WDR35: variants seen among roughly 807,000 people sequenced by gnomAD.
WDR35 encodes WD repeat-containing protein 35.
A neutral mutation model predicts 158.3 loss-of-function variants in WDR35; 118 were observed. That is an observed-to-expected ratio of 0.75 (90% CI 0.64 to 0.87). The LOEUF (loss-of-function observed/expected upper bound fraction) is 0.87, where lower values mean the gene tolerates loss of function less well. Among genes scored for constraint, WDR35 ranks in the 40% least tolerant of loss-of-function variants. The probability of loss-of-function intolerance (pLI) is 0.00; values close to 1 mark genes in which losing one functional copy is unlikely to be tolerated. For missense variants in WDR35, 1,263 were observed against 1,405.8 expected (o/e 0.90, Z 1.62); for synonymous variants, 448 against 476.1 (o/e 0.94, Z 0.77).
At chr2:19,956,984 T>C (rs924727195) in intron 11 of WDR35, among the ~76,000 whole-genome samples, 2 of 152,216 alleles carry the variant, frequency 1.3e-5, no homozygotes, top group Non-Finnish European at 2.9e-5. Flanking sequence ...GTTCTAAATA[T>C]ATAACACATA....
chr2:19,960,598 C>A lies in WDR35; in HGVS notation c.1211G>T (p.Cys404Phe). ...ATCCAAGGGTGTACCAATAGAATTA[C>A]AAAGAACTAGTACAAACTGTGAACA... is the stretch of plus-strand genomic sequence containing the variant. ...ENHPQFVLVLCNSIGTPLDPK... is the reference protein window; with the variant it reads ...ENHPQFVLVLFNSIGTPLDPK... The change falls in exon 11 of 27, where the codon TGT becomes TTT. Residue 404 changes from cysteine to phenylalanine, a missense_variant. By Grantham distance (205) the Cys-to-Phe change is radical. Transcript: ENST00000281405. 6.2e-7 allele frequency: 1 copy of A among 1,608,562 alleles called. No individual in the cohort carries two copies. Among genetic ancestry groups the A allele is most frequent in the South Asian group, 1.1e-5 (1 of 90,824 alleles).
intron 15 of WDR35, 57 bp downstream of exon 15, chr2:19,946,404 A>G: frequency 7.2e-7 from 1 of 1,392,200 alleles, no homozygotes; most frequent in South Asian, 1.2e-5. Context: ...AAATCTAACA[A>G]TCCCAACTGA....
Position 19,946,552 on chromosome 2 carries a change from T to A in WDR35, c.1543A>T (p.Ile515Phe), listed in dbSNP as rs1210896296. The A allele has an allele frequency of 6.2e-7, 1 of 1,613,486 alleles. No homozygotes were observed. The highest frequency in any genetic ancestry group is 1.3e-5 in the African/African-American group (1 of 74,914). The part of the protein sequence containing the change: ...ILIVGRESGT[I>F]QRYSLPNVGL... ...ACATTAGGTAGACTGTATCTCTGAA[T>A]GGTGCCAGATTCACGACCCTATGGA... is the stretch of plus-strand genomic sequence containing the variant. The change falls in exon 15 of 27, where the codon ATT (isoleucine) becomes TTT (phenylalanine). Residue 515 changes from isoleucine to phenylalanine, a missense_variant. Physicochemically the swap from Ile to Phe is conservative, Grantham distance 21. Coordinates refer to ENST00000281405, the MANE Select transcript of WDR35 (RefSeq NM_020779.4).
intron 10 of WDR35, among the ~76,000 whole-genome samples, chr2:19,964,541 G>C (rs542374719): frequency 6.6e-6 from 1 of 151,568 alleles, no homozygotes; most frequent in East Asian, 2.0e-4. Context: ...ACGCTGCCAC[G>C]CCCGGCTAAT....
chr2:19,943,482 A>T (rs568419526), intron 16 of WDR35, among the ~76,000 whole-genome samples: 28 of 152,232 alleles, frequency 1.8e-4, no homozygotes, highest in Non-Finnish European at 3.4e-4. Context: ...AGTATAATTT[A>T]TTTTTCTCAT....
intron 9 of WDR35, 47 bp from the exon 10 acceptor site, chr2:19,966,956 G>T: frequency 1.9e-6 from 3 of 1,577,194 alleles, no homozygotes; most frequent in Middle Eastern, 1.7e-4. Flanking sequence ...AAAGGGAGAA[G>T]AATTATTTAG....
At chr2:19,988,161 G>A (rs1672630657) in intron 2 of WDR35, among the ~76,000 whole-genome samples, 2 of 152,140 alleles carry the variant, frequency 1.3e-5, no homozygotes, top group Admixed American at 1.3e-4. Flanking sequence ...GCAGTTAACA[G>A]CTCAGAGCCT....
At chr2:19,957,665 G>A (rs1440179504) in intron 11 of WDR35, among the ~76,000 whole-genome samples, 1 of 151,614 alleles carries the variant, frequency 6.6e-6, no homozygotes, top group Non-Finnish European at 1.5e-5. Flanking sequence ...CGATTCTCCT[G>A]CCACAGCCTC....
chr2:19,950,478 T>G (rs1403951514), intron 13 of WDR35, among the ~76,000 whole-genome samples: 2 of 152,050 alleles, frequency 1.3e-5, no homozygotes, highest in Non-Finnish European at 2.9e-5. Flanking sequence ...TGGAAGAAAA[T>G]ACGTGGTTGA....
intron 11 of WDR35, among the ~76,000 whole-genome samples, chr2:19,956,866 G>A (rs771555126): frequency 1.3e-5 from 2 of 152,062 alleles, no homozygotes; most frequent in African/African-American, 2.4e-5. Context: ...TGATCCGCCC[G>A]TCTTGGCCTC....
chr2:19,941,873 T>C lies in WDR35; in HGVS notation c.1846-34A>G, dbSNP rs182899842. 39 of 1,444,130 alleles carry C rather than the reference T, an allele frequency of 2.7e-5. No homozygotes were observed. The African/African-American group carries it at 2.8e-4, about 10-fold the overall frequency. The allele number at this position is 1,444,130 out of a possible 1,614,324, so 89.5% of individuals were successfully genotyped here. A position where few individuals can be genotyped will look rare whatever the true frequency, so the allele number is the denominator to read the frequency against. On this transcript the variant is annotated intron_variant, in intron 16 of 26. Transcript: ENST00000281405. ...ACAAAAAAAAAGTTATGTTTCATTA[T>C]GCAAAATTTCCTCTCTTTTAACAAA...
rs948113160 is a variant in WDR35 at position 19,938,693 on chromosome 2, G to T, written c.1927-292C>A. Among the ~76,000 whole-genome samples, 4 of 152,272 alleles carry T rather than the reference G, an allele frequency of 2.6e-5. No homozygotes were observed. In the South Asian group the frequency reaches 8.3e-4, roughly 32 times the overall value. On this transcript the variant is annotated intron_variant, in intron 17 of 26. Transcript: ENST00000281405. ...ATGCATCCCTGTTTCCCTCTGCTCA[G>T]ATTGGTTTTTCACCTTAAATGAGAT... is the stretch of plus-strand genomic sequence containing the variant.
At chr2:19,924,824 G>T (rs1475729455) in intron 25 of WDR35, among the ~76,000 whole-genome samples, 1 of 152,092 alleles carries the variant, frequency 6.6e-6, no homozygotes, top group African/African-American at 2.4e-5. Flanking sequence ...TGGGAAGCAT[G>T]GTCATACTAA....
intron 22 of WDR35, 93 bp downstream of exon 22, chr2:19,933,308 T>A: frequency 9.9e-7 from 1 of 1,014,638 alleles, no homozygotes; most frequent in South Asian, 1.3e-5. Flanking sequence ...TTGGCAATAA[T>A]CTTTAAAAGA....
chr2:19,980,787 G>C lies in WDR35; in HGVS notation c.215-4C>G, dbSNP rs369080910. ...CATGTTACAACTTGAACAGAACCTA[G>C]AACATTATAAAACAATTTAGAAACT... On this transcript the variant is annotated splice_polypyrimidine_tract_variant and splice_region_variant and intron_variant, in intron 3 of 26. Coordinates refer to ENST00000281405, the MANE Select transcript of WDR35 (RefSeq NM_020779.4). 78 of 1,612,302 alleles carry C rather than the reference G, an allele frequency of 4.8e-5. No homozygotes were observed. Among genetic ancestry groups the C allele is most frequent in the Middle Eastern group, 1.6e-4 (1 of 6,074 alleles).
intron 11 of WDR35, among the ~76,000 whole-genome samples, chr2:19,954,623 C>T (rs1350597852): frequency 6.6e-6 from 1 of 152,144 alleles, no homozygotes. Flanking sequence ...CAATGAGATA[C>T]CACCTCACAC....
At chr2:19,915,381 G>T (rs1486988536) in intron 25 of WDR35, among the ~76,000 whole-genome samples, 1 of 150,892 alleles carries the variant, frequency 6.6e-6, no homozygotes, top group Non-Finnish European at 1.5e-5. Context: ...AGCATGATAG[G>T]TTCAAGGGTA....
intron 8 of WDR35, among the ~76,000 whole-genome samples, chr2:19,971,027 AT>A (rs1418616074): frequency 6.6e-6 from 1 of 150,906 alleles, no homozygotes; most frequent in African/African-American, 2.4e-5. Context: ...ATACATTCAA[AT>A]TTTTTTAATT....
Position 19,937,901 on chromosome 2 carries a change from A to G in WDR35, c.2109T>C (p.Thr703=). The G allele has an allele frequency of 1.2e-6, 2 of 1,614,164 alleles. No homozygotes were observed. The highest frequency in any genetic ancestry group is 1.7e-6 in the Non-Finnish European group (2 of 1,180,022). ...TGCAGCGCACAAATGCTTGCTCTGC[A>G]GTGTATAGATCCAGTTTCTGAAGAG... The part of the protein sequence containing the change: ...EAALQKLDLY[T]AEQAFVRCKD... Residue 703 remains threonine, a synonymous_variant, in exon 19 of 27, where the codon ACT becomes ACC. Transcript: ENST00000281405.
Sources: gnomAD v4.1 joint callset for allele counts (sites outside exome capture counted in the v4.1 genomes callset) on GRCh38, gnomAD v4.1.1 for gene constraint, MANE v1.5 for transcripts, NCBI Gene and HGNC (gene_info 2026-07-23, HGNC 2026-07-21) for gene names.